The following PYGB variants were observed in gnomAD, a reference collection of about 807,000 sequenced individuals.
PYGB encodes glycogen phosphorylase, brain form.
Under a neutral mutation model 94.3 loss-of-function variants are expected in PYGB, and 82 were observed. The observed-to-expected ratio is 0.87, with a 90% CI of 0.73 to 1.04. PYGB has a LOEUF of 1.04. Among genes scored for constraint, PYGB ranks in the 50% least tolerant of loss-of-function variants. The pLI is 0.00. For synonymous variants in PYGB, 488 were observed against 479.1 expected (o/e 1.02, Z -0.24); for missense variants, 1,132 against 1,158.2 (o/e 0.98, Z 0.33).
intron 7 of PYGB, among the ~76,000 whole-genome samples, chr20:25,277,598 C>G (rs932531648): frequency 7.2e-5 from 11 of 152,216 alleles, no homozygotes; most frequent in Non-Finnish European, 1.6e-4. Context: ...CTCTTATCCA[C>G]TCCCCTCATA....
chr20:25,291,274 A>G (rs562295248), intron 16 of PYGB, among the ~76,000 whole-genome samples: 1 of 152,110 alleles, frequency 6.6e-6, no homozygotes, highest in African/African-American at 2.4e-5. Flanking sequence ...CCTGGAGCCC[A>G]TCAGTTCCCA....
intron 4 of PYGB, among the ~76,000 whole-genome samples, chr20:25,272,728 C>T (rs1040827243): frequency 6.6e-6 from 1 of 152,220 alleles, no homozygotes; most frequent in Non-Finnish European, 1.5e-5. Context: ...TCCACTGCCT[C>T]CGGACAGCTC....
chr20:25,282,063 G>A lies in PYGB; in HGVS notation c.1434G>A (p.Glu478=), dbSNP rs371466501. 2.0e-5 allele frequency: 33 copies of A among 1,613,928 alleles called. 1 individual carries two copies. Among genetic ancestry groups the A allele is most frequent in the Middle Eastern group, 3.3e-4 (2 of 6,060 alleles). Residue 478 remains glutamate (E), a synonymous_variant, in exon 12 of 20, where the codon GAG becomes GAA. Coordinates refer to ENST00000216962, the MANE Select transcript of PYGB (RefSeq NM_002862.4). ...AGGATTTTTATGAACTGGAGCCAGAGAAGTTCCAGAATAAGACCAATGGCA... is the reference window on the plus strand; with the variant it reads ...AGGATTTTTATGAACTGGAGCCAGAAAAGTTCCAGAATAAGACCAATGGCA... The part of the protein sequence containing the change: ...VFKDFYELEP[E]KFQNKTNGIT...
At chr20:25,273,887 G>A (rs1222200272) in intron 4 of PYGB, among the ~76,000 whole-genome samples, 6 of 151,676 alleles carry the variant, frequency 4.0e-5, no homozygotes, top group Admixed American at 2.6e-4. Flanking sequence ...CTGCCCTGTC[G>A]CCCAGGCTGG....
chr20:25,272,490 T>A (rs2088276164), intron 4 of PYGB, among the ~76,000 whole-genome samples: 1 of 152,266 alleles, frequency 6.6e-6, no homozygotes, highest in Non-Finnish European at 1.5e-5. Context: ...TGGACTCATA[T>A]CTGCAGCTTG....
At chr20:25,250,679 A>T (rs1277342775) in intron 1 of PYGB, among the ~76,000 whole-genome samples, 3 of 152,200 alleles carry the variant, frequency 2.0e-5, no homozygotes, top group African/African-American at 7.2e-5. Context: ...CCAAGAAAAT[A>T]ACTGCTGTGC....
chr20:25,253,064 C>G lies in PYGB; in HGVS notation c.243+4643C>G, dbSNP rs8120601. Among the ~76,000 whole-genome samples, 1,008 of 152,330 alleles carry G rather than the reference C, an allele frequency of 6.6e-3. 15 individuals are homozygous for G. Among genetic ancestry groups the G allele is most frequent in the African/African-American group, 0.023 (965 of 41,576 alleles). On this transcript the variant is annotated intron_variant, in intron 1 of 19. Coordinates refer to ENST00000216962, the MANE Select transcript of PYGB (RefSeq NM_002862.4). ...ATTGCTCTTATCACTTAGGAAATTA[C>G]AAGGGTGTTAGGAGCACAGGCCAGG...
chr20:25,282,276 T>G (rs1387408111), intron 12 of PYGB, 129 bp downstream of exon 12: 12 of 742,162 alleles, frequency 1.6e-5, no homozygotes, highest in African/African-American at 3.5e-5. Context: ...CCTGCAGGCT[T>G]CTGGACATGA....
chr20:25,276,600 C>CG, intron 5 of PYGB, 46 bp from the exon 6 acceptor site: 1 of 1,536,120 alleles, frequency 6.5e-7, no homozygotes. Context: ...CAGGGGCCGG[C>CG]GGGGGCCCTT....
At chr20:25,281,217 T>C (rs1600735173) in intron 11 of PYGB, 105 bp downstream of exon 11, 1 of 1,423,218 alleles carries the variant, frequency 7.0e-7, no homozygotes, top group East Asian at 2.3e-5. Flanking sequence ...GCATACAACC[T>C]GTGCCACTAG....
intron 2 of PYGB, among the ~76,000 whole-genome samples, chr20:25,264,817 G>A (rs553221849): frequency 3.3e-5 from 5 of 152,298 alleles, no homozygotes; most frequent in African/African-American, 9.6e-5. Context: ...CTCATGGATA[G>A]GAAGAATCAA....
chr20:25,293,716 C>T (rs2088496604), intron 17 of PYGB, among the ~76,000 whole-genome samples: 1 of 152,242 alleles, frequency 6.6e-6, no homozygotes, highest in African/African-American at 2.4e-5. Context: ...CTTGTCCTGT[C>T]TGGTCTTGCT....
chr20:25,252,388 A>T (rs1195082749), intron 1 of PYGB, among the ~76,000 whole-genome samples: 1 of 152,196 alleles, frequency 6.6e-6, no homozygotes, highest in East Asian at 1.9e-4. Flanking sequence ...GGTGTTTCCC[A>T]CACTGACTGA....
chr20:25,296,410 C>T lies in PYGB; in HGVS notation c.2420C>T (p.Ala807Val). The T allele has an allele frequency of 2.5e-6, 4 of 1,614,076 alleles. No individual in the cohort carries two copies. Among genetic ancestry groups the T allele is most frequent in the Non-Finnish European group, 3.4e-6 (4 of 1,180,042 alleles). The change falls in exon 20 of 20, where the codon GCC becomes GTC. Residue 807 changes from alanine to valine, a missense_variant. Physicochemically the swap from Ala to Val is moderately conservative, Grantham distance 64. Coordinates refer to ENST00000216962, the MANE Select transcript of PYGB (RefSeq NM_002862.4). Reference protein sequence around the residue: ...EWTKKVIRNIACSGKFSSDRT... With the variant: ...EWTKKVIRNIVCSGKFSSDRT... Reference sequence around the variant, plus strand: ...ACCAAGAAGGTCATCAGGAACATCGCCTGCTCGGGCAAGTTCTCCAGTGAC... The same window carrying T: ...ACCAAGAAGGTCATCAGGAACATCGTCTGCTCGGGCAAGTTCTCCAGTGAC...
At chr20:25,283,592 G>A (rs551850262) in intron 13 of PYGB, among the ~76,000 whole-genome samples, 5 of 152,346 alleles carry the variant, frequency 3.3e-5, no homozygotes, top group South Asian at 2.1e-4. Context: ...TCTAGAAGCC[G>A]ATTCCAGCGT....
chr20:25,253,604 C>T (rs1387620507), intron 1 of PYGB, among the ~76,000 whole-genome samples: 1 of 147,692 alleles, frequency 6.8e-6, no homozygotes, highest in Non-Finnish European at 1.5e-5. Flanking sequence ...CATTGCACTC[C>T]AGCCTGGGCA....
intron 7 of PYGB, 124 bp from the exon 8 acceptor site, chr20:25,278,195 A>T: frequency 8.9e-7 from 1 of 1,124,594 alleles, no homozygotes; most frequent in Non-Finnish European, 1.2e-6. Context: ...CCCCAGTGTC[A>T]GGCAGCTGGG....
At chr20:25,278,277 A>G in intron 7 of PYGB, 42 bp from the exon 8 acceptor site, 2 of 436,100 alleles carry the variant, frequency 4.6e-6, no homozygotes, top group Non-Finnish European at 6.1e-6. Flanking sequence ...GGGGAGGAGA[A>G]TGGCCCAGCC....
Position 25,296,826 on chromosome 20 carries a change from T to C in PYGB, c.*304T>C. On this transcript the variant is annotated 3_prime_UTR_variant, in exon 20 of 20. Coordinates refer to ENST00000216962, the MANE Select transcript of PYGB (RefSeq NM_002862.4). The stretch of plus-strand genomic sequence containing the variant: ...AGTCAGGTGGAGCCACCTGCTGGGC[T>C]CCCCCAGAACTTTGCACACATCTTG... The C allele has an allele frequency of 2.6e-6, 1 of 390,334 alleles. No homozygotes were observed. Among genetic ancestry groups the C allele is most frequent in the South Asian group, 3.0e-5 (1 of 33,828 alleles). 24.2% of individuals were successfully genotyped at this position (390,334 alleles called of 1,614,324 possible).
Sources: gnomAD v4.1 joint callset for allele counts (sites outside exome capture counted in the v4.1 genomes callset) on GRCh38, gnomAD v4.1.1 for gene constraint, MANE v1.5 for transcripts, NCBI Gene and HGNC (gene_info 2026-07-23, HGNC 2026-07-21) for gene names.